The following MYZAP variants were observed in gnomAD, a reference collection of about 807,000 sequenced individuals.
The protein encoded by MYZAP is GRINL1A complex locus upstream.
Under a neutral mutation model 69.4 loss-of-function variants are expected in MYZAP, and 66 were observed. The observed-to-expected ratio is 0.95, with a 90% CI of 0.78 to 1.17. The LOEUF (loss-of-function observed/expected upper bound fraction) is 1.17, where lower values mean the gene tolerates loss of function less well. Ranked by LOEUF, MYZAP falls within the 50% of genes most tolerant of loss-of-function variation. The pLI, the probability that MYZAP is intolerant of heterozygous loss-of-function variation, is 0.00. For missense variants in MYZAP, 611 were observed against 556.2 expected (o/e 1.10, Z -0.99); for synonymous variants, 256 against 205.9 (o/e 1.24, Z -2.09).
chr15:57,647,528 C>T, intron 10 of MYZAP: 1 of 985,390 alleles, frequency 1.0e-6, no homozygotes, highest in Non-Finnish European at 1.2e-6. Flanking sequence ...AATGCAATGA[C>T]CTTTAGAGAA....
intron 1 of MYZAP, chr15:57,599,338 C>A: frequency 1.9e-6 from 1 of 532,044 alleles, no homozygotes; most frequent in Non-Finnish European, 2.5e-6. Flanking sequence ...ATTATGTACT[C>A]CTTGGAGGCC....
At chr15:57,617,833 G>A (rs1352175472) in intron 2 of MYZAP, among the ~76,000 whole-genome samples, 200 bp from the exon 3 acceptor site, 5 of 152,102 alleles carry the variant, frequency 3.3e-5, no homozygotes, top group South Asian at 4.1e-4. Flanking sequence ...CTCTTCCTCC[G>A]GGGTAAAAGC....
At chr15:57,628,391 T>C (rs553021662) in intron 5 of MYZAP, among the ~76,000 whole-genome samples, 80 of 152,282 alleles carry the variant, frequency 5.3e-4, no homozygotes, top group African/African-American at 1.1e-3. Flanking sequence ...TGCCTCAGCC[T>C]CCTGGGTAGC....
intron 10 of MYZAP, among the ~76,000 whole-genome samples, 179 bp from the exon 11 acceptor site, chr15:57,661,269 AAC>A (rs1187732741): frequency 6.6e-6 from 1 of 152,204 alleles, no homozygotes; most frequent in African/African-American, 2.4e-5. Context: ...TGTTCCACGA[AAC>A]ACAGAGAATC....
chr15:57,619,435 G>A (rs966839145), intron 3 of MYZAP, among the ~76,000 whole-genome samples: 34 of 152,082 alleles, frequency 2.2e-4, no homozygotes, highest in African/African-American at 7.7e-4. Flanking sequence ...TCACTGTGGC[G>A]ACACAATCAC....
intron 12 of MYZAP, among the ~76,000 whole-genome samples, chr15:57,677,873 T>C (rs920504543): frequency 2.6e-5 from 4 of 151,902 alleles, no homozygotes; most frequent in Non-Finnish European, 4.4e-5. Flanking sequence ...TCAAACCTCA[T>C]TGGGTTGCTT....
chr15:57,625,392 T>C (rs2036070033), intron 4 of MYZAP, among the ~76,000 whole-genome samples: 1 of 152,172 alleles, frequency 6.6e-6, no homozygotes, highest in African/African-American at 2.4e-5. Context: ...GCATATTCTC[T>C]CCATGGTGAC....
intron 10 of MYZAP, chr15:57,646,348 G>A (rs1248563001): frequency 8.4e-6 from 10 of 1,186,992 alleles, no homozygotes; most frequent in Non-Finnish European, 1.1e-5. Flanking sequence ...ATTTGACCAT[G>A]TGGGGCTCTT....
At chr15:57,679,115 G>C (rs2039293781) in intron 12 of MYZAP, among the ~76,000 whole-genome samples, 1 of 152,126 alleles carries the variant, frequency 6.6e-6, no homozygotes. Context: ...GGTGGAGGTT[G>C]TGTTGAGCTG....
chr15:57,658,492 A>T lies in MYZAP; in HGVS notation c.1120-2958A>T, dbSNP rs140084130. Among the ~76,000 whole-genome samples, 350 of 152,308 alleles carry T rather than the reference A, an allele frequency of 2.3e-3. 4 individuals are homozygous for T. Among genetic ancestry groups the T allele is most frequent in the African/African-American group, 8.0e-3 (331 of 41,560 alleles). On this transcript the variant is annotated intron_variant, in intron 10 of 12. Transcript: ENST00000267853. ...TTTAGTTATGTTTCTAAAGTCTCCT[A>T]ATCTAGAGCATTGCTGCCCCATCTC...
chr15:57,670,460 T>G (rs985626753), intron 11 of MYZAP, among the ~76,000 whole-genome samples: 1 of 152,116 alleles, frequency 6.6e-6, no homozygotes, highest in Admixed American at 6.5e-5. Flanking sequence ...CCACTTACTT[T>G]CAACTGATTT....
At position 57,606,521 on chromosome 15, in the gene MYZAP, TA is replaced by T. The variant is rs1220604917; in HGVS notation, c.162+2170del. On this transcript the variant is annotated intron_variant, in intron 2 of 12. Transcript: ENST00000267853. ...TTAGATGGTGGCAAAAAAAATTATA[TA>T]AAAGATAGAGCACATGGACGCAGGA... is the stretch of plus-strand genomic sequence containing the variant. Among the ~76,000 whole-genome samples the T allele has an allele frequency of 3.0e-5, 4 of 131,514 alleles. No individual in the cohort carries two copies. In the East Asian group the frequency reaches 8.9e-4, roughly 29 times the overall value. 86.3% of individuals were successfully genotyped at this position (131,514 alleles called of 152,430 possible). A position where few individuals can be genotyped will look rare whatever the true frequency, so the allele number is the denominator to read the frequency against.
intron 1 of MYZAP, among the ~76,000 whole-genome samples, chr15:57,602,346 ACT>A (rs1295198438): frequency 1.3e-5 from 2 of 151,276 alleles, no homozygotes; most frequent in Admixed American, 1.3e-4. Flanking sequence ...CTGTGAAGGA[ACT>A]CTCTGTTCCA....
chr15:57,599,042 C>T (rs1450505917), intron 1 of MYZAP, among the ~76,000 whole-genome samples: 4 of 152,190 alleles, frequency 2.6e-5, no homozygotes, highest in South Asian at 2.1e-4. Flanking sequence ...GTGCTTAATG[C>T]GTGCCAGAAA....
intron 8 of MYZAP, among the ~76,000 whole-genome samples, chr15:57,636,811 C>T (rs1351060511): frequency 3.9e-5 from 6 of 152,132 alleles, no homozygotes; most frequent in Admixed American, 6.5e-5. Context: ...CGGCTTAGTG[C>T]GCGTATGTTT....
chr15:57,627,772 A>C (rs1357703998), intron 5 of MYZAP, among the ~76,000 whole-genome samples: 4 of 152,136 alleles, frequency 2.6e-5, no homozygotes, highest in Non-Finnish European at 4.4e-5. Flanking sequence ...CAGAGCCAGG[A>C]TTAGAAAAAT....
intron 8 of MYZAP, among the ~76,000 whole-genome samples, chr15:57,634,331 G>C (rs1159575043): frequency 2.0e-5 from 3 of 152,126 alleles, no homozygotes; most frequent in African/African-American, 7.2e-5. Context: ...AGAAGGAAGA[G>C]AAGGAAGAGA....
intron 10 of MYZAP, chr15:57,646,830 A>G (rs2037471562): frequency 1.0e-6 from 1 of 985,452 alleles, no homozygotes; most frequent in African/African-American, 1.7e-5. Flanking sequence ...AACTTCACGA[A>G]AAGGAGTGTA....
At chr15:57,604,889 A>G (rs1162752066) in intron 2 of MYZAP, among the ~76,000 whole-genome samples, 1 of 152,182 alleles carries the variant, frequency 6.6e-6, no homozygotes. Flanking sequence ...GGCCGTGAAG[A>G]TAAGTATGTC....
Sources: gnomAD v4.1 joint callset for allele counts (sites outside exome capture counted in the v4.1 genomes callset) on GRCh38, gnomAD v4.1.1 for gene constraint, MANE v1.5 for transcripts, NCBI Gene and HGNC (gene_info 2026-07-23, HGNC 2026-07-21) for gene names.